The following MAGI1 variants were observed in gnomAD, a reference collection of about 807,000 sequenced individuals.
The protein encoded by MAGI1 is membrane associated guanylate kinase, WW and PDZ domain containing 1.
In MAGI1, 58 loss-of-function variants were observed where a neutral mutation model predicts 139.9. That is an observed-to-expected ratio of 0.41 (90% confidence interval 0.34 to 0.52). MAGI1 has a LOEUF of 0.52. Ranked by LOEUF, MAGI1 falls within the 20% of genes least tolerant of loss-of-function variation. The pLI, the probability that MAGI1 is intolerant of heterozygous loss-of-function variation, is 0.12. For synonymous variants in MAGI1, 812 were observed against 737.9 expected, an observed-to-expected ratio of 1.10 and a Z score of -1.63; for missense variants, 1,874 against 1,901.6, an observed-to-expected ratio of 0.99 and a Z score of 0.27.
chr3:65,589,944 C>T (rs1298358521), intron 2 of MAGI1, among the ~76,000 whole-genome samples: 1 of 152,084 alleles, frequency 6.6e-6, no homozygotes, highest in Admixed American at 6.6e-5. Flanking sequence ...TGTCCATCCC[C>T]GAGTCTGTGT....
chr3:65,365,209 T>C (rs1336877806), intron 18 of MAGI1: 2 of 655,050 alleles, frequency 3.1e-6, no homozygotes, highest in African/African-American at 1.8e-5. Context: ...AAGAAAACAC[T>C]GCTCTAAAAT....
intron 1 of MAGI1, among the ~76,000 whole-genome samples, chr3:65,689,392 C>T (rs2088368837): frequency 6.6e-6 from 1 of 152,190 alleles, no homozygotes; most frequent in Non-Finnish European, 1.5e-5. Context: ...ATACACTTCA[C>T]CTTCAAATTT....
At chr3:65,798,465 A>G (rs531818936) in intron 1 of MAGI1, among the ~76,000 whole-genome samples, 1 of 152,282 alleles carries the variant, frequency 6.6e-6, no homozygotes, top group Middle Eastern at 3.4e-3. Flanking sequence ...GACACTCTGA[A>G]GTTCCAAAGG....
intron 2 of MAGI1, among the ~76,000 whole-genome samples, chr3:65,565,062 G>C: frequency 6.6e-6 from 1 of 152,102 alleles, no homozygotes. Flanking sequence ...ACACGAATAG[G>C]CTCCAAAACA....
intron 1 of MAGI1, among the ~76,000 whole-genome samples, chr3:65,811,253 C>G (rs1319119953): frequency 1.3e-5 from 2 of 152,236 alleles, no homozygotes; most frequent in African/African-American, 2.4e-5. Context: ...ATCACCCAGC[C>G]TCTACTGACA....
At chr3:65,387,872 C>A (rs1943580027) in intron 14 of MAGI1, among the ~76,000 whole-genome samples, 1 of 152,216 alleles carries the variant, frequency 6.6e-6, no homozygotes, top group African/African-American at 2.4e-5. Context: ...CAAGGCAGGA[C>A]AGATTTACAA....
At chr3:65,510,453 G>C (rs2107748007) in intron 2 of MAGI1, among the ~76,000 whole-genome samples, 1 of 147,956 alleles carries the variant, frequency 6.8e-6, no homozygotes, top group Non-Finnish European at 1.5e-5. Flanking sequence ...ACAGAGAAGT[G>C]CTTAAAGGAG....
intron 2 of MAGI1, among the ~76,000 whole-genome samples, chr3:65,595,524 T>C (rs1173201105): frequency 6.6e-6 from 1 of 152,102 alleles, no homozygotes; most frequent in Non-Finnish European, 1.5e-5. Flanking sequence ...GGCTCTAGTC[T>C]CCCCTGGGGG....
At chr3:65,573,199 T>G (rs80099452) in intron 2 of MAGI1, among the ~76,000 whole-genome samples, 1 of 152,098 alleles carries the variant, frequency 6.6e-6, no homozygotes, top group Non-Finnish European at 1.5e-5. Flanking sequence ...GCACATATTA[T>G]ACAACTCATT....
intron 1 of MAGI1, among the ~76,000 whole-genome samples, chr3:65,983,058 C>A (rs555331739): frequency 6.6e-6 from 1 of 152,210 alleles, no homozygotes; most frequent in Non-Finnish European, 1.5e-5. Context: ...CAGCTGGGAC[C>A]ACAGGCTCAT....
chr3:65,428,224 C>T (rs1947207819), intron 12 of MAGI1, among the ~76,000 whole-genome samples: 1 of 152,150 alleles, frequency 6.6e-6, no homozygotes, highest in African/African-American at 2.4e-5. Context: ...GATCTCTTTT[C>T]AAAAGGCCTG....
chr3:65,832,664 G>A (rs1352023649), intron 1 of MAGI1, among the ~76,000 whole-genome samples: 1 of 151,962 alleles, frequency 6.6e-6, no homozygotes, highest in South Asian at 2.1e-4. Context: ...ATCTCTCTCA[G>A]AAGACTTGAG....
rs368663293 is a variant in MAGI1 at position 65,737,884 on chromosome 3, C to CCA, written c.314-115798_314-115797dup. On this transcript the variant is annotated intron_variant, in intron 1 of 22. Coordinates refer to ENST00000402939, the MANE Select transcript of MAGI1 (RefSeq NM_001033057.2). ...GAAAACAACACACACACACCTCTCT[C>CCA]CACACACACACACGCCATTAGCGCA... Among the ~76,000 whole-genome samples, 660 of 151,898 alleles carry CCA rather than the reference C, an allele frequency of 4.3e-3. 7 individuals carry two copies. The highest frequency in any genetic ancestry group is 0.025 in the East Asian group (130 of 5,160).
At chr3:65,585,493 G>A (rs2106685167) in intron 2 of MAGI1, among the ~76,000 whole-genome samples, 1 of 152,246 alleles carries the variant, frequency 6.6e-6, no homozygotes, top group East Asian at 1.9e-4. Flanking sequence ...GAAAGGCAAA[G>A]AAAAAATGTT....
At chr3:65,614,094 G>T (rs1325508083) in intron 2 of MAGI1, among the ~76,000 whole-genome samples, 1 of 152,148 alleles carries the variant, frequency 6.6e-6, no homozygotes, top group African/African-American at 2.4e-5. Context: ...ACTGGTAAGT[G>T]GTAGAACCTG....
chr3:65,569,401 A>C (rs530080960), intron 2 of MAGI1, among the ~76,000 whole-genome samples: 1 of 152,198 alleles, frequency 6.6e-6, no homozygotes, highest in Non-Finnish European at 1.5e-5. Flanking sequence ...TGTGACTGAA[A>C]TATGCACTTA....
At chr3:65,770,834 A>G (rs2037889032) in intron 1 of MAGI1, among the ~76,000 whole-genome samples, 1 of 151,892 alleles carries the variant, frequency 6.6e-6, no homozygotes, top group African/African-American at 2.4e-5. Context: ...GACTACAGGC[A>G]TGTGCCACAA....
At chr3:65,619,438 T>C (rs377476519) in intron 2 of MAGI1, among the ~76,000 whole-genome samples, 1 of 152,132 alleles carries the variant, frequency 6.6e-6, no homozygotes, top group East Asian at 1.9e-4. Context: ...CCTCCTAAAA[T>C]GCACAGGGAA....
At chr3:65,491,693 G>A (rs1302847615) in intron 3 of MAGI1, among the ~76,000 whole-genome samples, 2 of 147,158 alleles carry the variant, frequency 1.4e-5, no homozygotes, top group Admixed American at 6.9e-5. Context: ...CCTTCCCGCA[G>A]CCCCCCTCCC....
Sources: gnomAD v4.1 joint callset for allele counts (sites outside exome capture counted in the v4.1 genomes callset) on GRCh38, gnomAD v4.1.1 for gene constraint, MANE v1.5 for transcripts, NCBI Gene and HGNC (gene_info 2026-07-23, HGNC 2026-07-21) for gene names.